Variants in PRRC2C observed in about 807,000 individuals in gnomAD.
The protein encoded by PRRC2C is protein PRRC2C.
A neutral mutation model predicts 317.2 loss-of-function variants in PRRC2C; 72 were observed. That is an observed-to-expected ratio of 0.23 (90% CI 0.19 to 0.28). PRRC2C has a LOEUF of 0.28. Among genes scored for constraint, PRRC2C ranks in the 10% least tolerant of loss-of-function variants. The pLI, the probability that PRRC2C is intolerant of heterozygous loss-of-function variation, is 1.00. For missense variants in PRRC2C, 3,074 were observed against 3,459.7 expected, an observed-to-expected ratio of 0.89 and a Z score of 2.80; for synonymous variants, 1,296 against 1,205.9, an observed-to-expected ratio of 1.07 and a Z score of -1.55.
At chr1:171,556,442 C>G (rs1055111554) in intron 18 of PRRC2C, among the ~76,000 whole-genome samples, 1 of 152,202 alleles carries the variant, frequency 6.6e-6, no homozygotes, top group Non-Finnish European at 1.5e-5. Context: ...ACTGTCCAAC[C>G]AGTCCCAGTG....
intron 1 of PRRC2C, among the ~76,000 whole-genome samples, chr1:171,486,107 C>CTT (rs34040896): frequency 0.035 from 3,391 of 95,532 alleles, 220 homozygotes; most frequent in African/African-American, 0.12. Flanking sequence ...GACGTGAAGT[C>CTT]TTTTTTTTTT....
In PRRC2C at chr1:171,520,054, C is replaced by G. The variant is rs192686782; in HGVS notation, c.751-2123C>G. Among the ~76,000 whole-genome samples, 247 of 152,288 alleles carry G rather than the reference C, an allele frequency of 1.6e-3. 3 individuals carry two copies. The East Asian group carries it at 0.039, about 24-fold the overall frequency. On this transcript the variant is annotated intron_variant, in intron 6 of 34. Transcript: ENST00000647382. The stretch of plus-strand genomic sequence containing the variant: ...CTCGGCTCACTGCAGCCTCCACCTC[C>G]CAGGTTCAAGCGATTCTCCCGCCTC...
At chr1:171,584,799 G>GT (rs1649485401) in intron 30 of PRRC2C, among the ~76,000 whole-genome samples, 1 of 151,900 alleles carries the variant, frequency 6.6e-6, no homozygotes, top group Admixed American at 6.6e-5. Flanking sequence ...GTTTTGTTTT[G>GT]TTTTTTTCTG....
chr1:171,548,509 A>G (rs1679590411), intron 17 of PRRC2C, among the ~76,000 whole-genome samples: 1 of 152,206 alleles, frequency 6.6e-6, no homozygotes, highest in African/African-American at 2.4e-5. Context: ...TTTATTGTAT[A>G]TGTAATTTCC....
chr1:171,535,147 GT>G (rs1191227773), intron 12 of PRRC2C, among the ~76,000 whole-genome samples: 1 of 151,012 alleles, frequency 6.6e-6, no homozygotes, highest in African/African-American at 2.4e-5. Context: ...AGTTGGAAAT[GT>G]TTCATTATTT....
At chr1:171,509,636 G>C (rs545890389) in intron 1 of PRRC2C, 1 of 152,006 alleles carries the variant, frequency 6.6e-6, no homozygotes, top group South Asian at 2.1e-4. Context: ...GAGAATCACT[G>C]CTTAGAATAT....
intron 11 of PRRC2C, among the ~76,000 whole-genome samples, chr1:171,529,973 A>T (rs1377088487): frequency 6.6e-6 from 1 of 152,158 alleles, no homozygotes; most frequent in Non-Finnish European, 1.5e-5. Flanking sequence ...GTTTCCAGCA[A>T]TCCCTCTCCT....
chr1:171,592,505 G>A lies in PRRC2C; in HGVS notation c.*658G>A, dbSNP rs949383687. The stretch of plus-strand genomic sequence containing the variant: ...TCCTTGAACCATATCAAAGTGAGCA[G>A]TGTTTGGCTACTGCTTCTATTTGAA... On this transcript the variant is annotated 3_prime_UTR_variant, in exon 35 of 35. Coordinates refer to ENST00000647382, the MANE Select transcript of PRRC2C (RefSeq NM_001387844.1). 6.6e-6 allele frequency: 1 copy of A among 152,232 alleles called. No homozygotes were observed. The highest frequency in any genetic ancestry group is 2.4e-5 in the African/African-American group (1 of 41,454). The allele number at this position is 152,232 out of a possible 1,614,324, so 9.4% of individuals were successfully genotyped here. A position where few individuals can be genotyped will look rare whatever the true frequency, so the allele number is the denominator to read the frequency against.
At chr1:171,543,431 C>T (rs1274117249) in intron 16 of PRRC2C, among the ~76,000 whole-genome samples, 2 of 152,064 alleles carry the variant, frequency 1.3e-5, no homozygotes, top group East Asian at 1.9e-4. Flanking sequence ...GTTCAAATCT[C>T]GGCTCTAGTA....
intron 1 of PRRC2C, among the ~76,000 whole-genome samples, chr1:171,497,352 C>T (rs1274260624): frequency 6.6e-6 from 1 of 152,222 alleles, no homozygotes; most frequent in African/African-American, 2.4e-5. Context: ...TACCACTTTC[C>T]AGCTCTGTGT....
chr1:171,535,912 T>G, intron 13 of PRRC2C, 117 bp from the exon 14 acceptor site: 1 of 1,332,990 alleles, frequency 7.5e-7, no homozygotes, highest in Non-Finnish European at 1.0e-6. Flanking sequence ...AAATACCTTT[T>G]GAACTCTTAC....
Position 171,532,903 on chromosome 1 carries a change from A to C in PRRC2C, c.1815A>C (p.Arg605Ser), listed in dbSNP as rs368594149. The change falls in exon 12 of 35, where the codon AGA (arginine) becomes AGC (serine). Residue 605 changes from arginine (R) to serine (S), a missense_variant. This residue lies in a region of PRRC2C where 1,320 missense variants were observed against 1,395.7 expected (regional missense o/e 0.95). Coordinates refer to ENST00000647382, the MANE Select transcript of PRRC2C (RefSeq NM_001387844.1). ...REKLEEKIEP[R>S]EPNLEPMVEK... ...AATTAGAGGAGAAAATTGAACCCAG[A>C]GAACCTAATTTAGAGCCCATGGTAG... 99 of 1,577,584 alleles carry C rather than the reference A, an allele frequency of 6.3e-5. 1 individual carries two copies. In the African/African-American group the frequency reaches 1.3e-3, roughly 21 times the overall value.
rs554742119 is a variant in PRRC2C at position 171,542,229 on chromosome 1, G to A, written c.4763G>A (p.Gly1588Glu). ...CCACCATCAAAAAGTGGGAAGAGAG[G>A]GTGAGTACTTTGTTTTAAATATAGT... ...SGPPSKSGKR[G>E]PFDDQPAGTT... The change falls in exon 16 of 35, where the codon GGG becomes GAG. Residue 1588 changes from glycine (G) to glutamate (E), a missense_variant and splice_region_variant. Physicochemically the swap from Gly to Glu is moderately conservative, Grantham distance 98 (BLOSUM62 -2). Around this residue, in one of 11 missense-constraint regions of PRRC2C, gnomAD observed 178 missense variants for 163.0 expected, o/e 1.09. Coordinates refer to ENST00000647382, the MANE Select transcript of PRRC2C (RefSeq NM_001387844.1). 25 of 1,526,184 alleles carry A rather than the reference G, an allele frequency of 1.6e-5. No individual in the cohort carries two copies. Among genetic ancestry groups the A allele is most frequent in the Non-Finnish European group, 2.2e-5 (25 of 1,141,194 alleles). 94.5% of individuals were successfully genotyped at this position (1,526,184 alleles called of 1,614,324 possible). A position where few individuals can be genotyped will look rare whatever the true frequency, so the allele number is the denominator to read the frequency against.
At chr1:171,574,042 A>C (rs1176556964) in intron 24 of PRRC2C, among the ~76,000 whole-genome samples, 2 of 152,106 alleles carry the variant, frequency 1.3e-5, no homozygotes, top group Non-Finnish European at 2.9e-5. Context: ...GGACTCACAA[A>C]GTTCCTAACA....
intron 28 of PRRC2C, among the ~76,000 whole-genome samples, chr1:171,582,258 A>G (rs1648788908): frequency 6.6e-6 from 1 of 152,236 alleles, no homozygotes; most frequent in African/African-American, 2.4e-5. Flanking sequence ...AATTATTCTC[A>G]CTGTTCAAAA....
Position 171,584,078 on chromosome 1 carries a change from C to A in PRRC2C, c.7532C>A (p.Ala2511Asp). Reference sequence around the variant, plus strand: ...CTTGCCAAGGCACAATCCGGTCTTGCCTTTCAGCAAACATCAAATACTCAG... The same window carrying A: ...CTTGCCAAGGCACAATCCGGTCTTGACTTTCAGCAAACATCAAATACTCAG... ...QELAKAQSGL[A>D]FQQTSNTQPI... The change falls in exon 29 of 35, where the codon GCC becomes GAC. Residue 2511 changes from alanine (A) to aspartate (D), a missense_variant. By Grantham distance (126) the Ala-to-Asp change is moderately radical. Coordinates refer to ENST00000647382, the MANE Select transcript of PRRC2C (RefSeq NM_001387844.1). The A allele has an allele frequency of 6.2e-7, 1 of 1,613,946 alleles. No individual in the cohort carries two copies. Among genetic ancestry groups the A allele is most frequent in the Non-Finnish European group, 8.5e-7 (1 of 1,179,844 alleles).
rs898955781 is a variant in PRRC2C at position 171,593,268 on chromosome 1, A to G, written c.*1421A>G. The stretch of plus-strand genomic sequence containing the variant: ...TCTTTTTATATAAATATATATATAT[A>G]TATACATATATATATATAATTTGAA... On this transcript the variant is annotated 3_prime_UTR_variant, in exon 35 of 35. Transcript: ENST00000647382. The G allele has an allele frequency of 1.4e-5, 2 of 147,702 alleles. No individual in the cohort carries two copies. The highest frequency in any genetic ancestry group is 3.0e-5 in the Non-Finnish European group (2 of 67,032). The allele number at this position is 147,702 out of a possible 1,614,324, so 9.1% of individuals were successfully genotyped here.
Position 171,500,337 on chromosome 1 carries a change from C to T in PRRC2C, c.-57-11695C>T, listed in dbSNP as rs1054806533. Among the ~76,000 whole-genome samples, 3 of 152,144 alleles carry T rather than the reference C, an allele frequency of 2.0e-5. No individual in the cohort carries two copies. The East Asian group carries it at 5.8e-4, about 29-fold the overall frequency. On this transcript the variant is annotated intron_variant, in intron 1 of 34. Coordinates refer to ENST00000647382, the MANE Select transcript of PRRC2C (RefSeq NM_001387844.1). ...AGGAATTTGAGAGACCATAGCTAAT[C>T]TCTTTAACAAATGTGGAAACCACTT...
At chr1:171,553,715 T>G (rs963491532) in intron 18 of PRRC2C, among the ~76,000 whole-genome samples, 1 of 152,238 alleles carries the variant, frequency 6.6e-6, no homozygotes. Context: ...CTACCTTCAT[T>G]CTGTTATTTA....
Sources: gnomAD v4.1 joint callset for allele counts (sites outside exome capture counted in the v4.1 genomes callset) on GRCh38, gnomAD v4.1.1 for gene constraint, gnomAD v4.1.1 regional missense constraint, MANE v1.5 for transcripts, NCBI Gene and HGNC (gene_info 2026-07-23, HGNC 2026-07-21) for gene names.